Variants in ENOX1 observed in about 807,000 individuals in gnomAD.
ENOX1 encodes ecto-NOX disulfide-thiol exchanger 1, also known as candidate growth-related and time keeping constitutive hydroquinone (NADH) oxidase.
ENOX1 carries 42 observed loss-of-function variants against 82.5 expected under a neutral mutation model. The ratio of observed to expected loss-of-function variants is 0.51; its 90% confidence interval spans 0.40 to 0.66. The LOEUF is 0.66. Among genes scored for constraint, ENOX1 ranks in the 30% least tolerant of loss-of-function variants. The pLI is 0.00. For missense variants in ENOX1, 608 were observed against 811.6 expected (o/e 0.75, Z 3.05); for synonymous variants, 271 against 282.2 (o/e 0.96, Z 0.40).
chr13:43,572,156 A>C (rs1219937516), intron 2 of ENOX1, among the ~76,000 whole-genome samples: 2 of 152,158 alleles, frequency 1.3e-5, no homozygotes, highest in African/African-American at 4.8e-5. Flanking sequence ...AAAATACTGA[A>C]TCAGGCTGGA....
rs186480942 is a variant in ENOX1 at position 43,584,178 on chromosome 13, G to A, written c.-219+83301C>T. 4.6e-5 allele frequency among the ~76,000 whole-genome samples: 7 copies of A among 152,344 alleles called. No individual in the cohort carries two copies. The East Asian group carries it at 1.3e-3, about 29-fold the overall frequency. On this transcript the variant is annotated intron_variant, in intron 2 of 16. Transcript: ENST00000690772. Reference sequence around the variant, plus strand: ...GTAACAGCTATTGCAGGAGGCAAAAGCAGCTACAACCTTCAATTCCAGGCA... The same window carrying A: ...GTAACAGCTATTGCAGGAGGCAAAAACAGCTACAACCTTCAATTCCAGGCA...
chr13:43,713,499 T>A (rs2087882437), intron 1 of ENOX1, among the ~76,000 whole-genome samples: 1 of 152,136 alleles, frequency 6.6e-6, no homozygotes, highest in Non-Finnish European at 1.5e-5. Flanking sequence ...TACCAGTTCC[T>A]CCTTGTACCT....
intron 5 of ENOX1, among the ~76,000 whole-genome samples, chr13:43,408,744 T>C (rs2053946044): frequency 6.6e-6 from 1 of 151,812 alleles, no homozygotes; most frequent in South Asian, 2.1e-4. Flanking sequence ...AATAGATAAA[T>C]CAGTAGTAAA....
chr13:43,585,962 T>C (rs761757398), intron 2 of ENOX1, among the ~76,000 whole-genome samples: 109 of 152,356 alleles, frequency 7.2e-4, no homozygotes, highest in Non-Finnish European at 1.4e-3. Context: ...CATGTATACA[T>C]TGTGAAATGA....
chr13:43,635,493 T>G (rs1295210052), intron 2 of ENOX1, among the ~76,000 whole-genome samples: 1 of 152,158 alleles, frequency 6.6e-6, no homozygotes, highest in Admixed American at 6.5e-5. Flanking sequence ...AAAGAATAAA[T>G]GTATGACTTT....
chr13:43,741,231 C>A (rs1452448340), intron 1 of ENOX1, among the ~76,000 whole-genome samples: 2 of 152,038 alleles, frequency 1.3e-5, no homozygotes, highest in Admixed American at 6.6e-5. Context: ...ATCACAGGCA[C>A]ATGCCACCAC....
intron 3 of ENOX1, among the ~76,000 whole-genome samples, chr13:43,416,630 G>A (rs1031962032): frequency 2.7e-5 from 4 of 148,954 alleles, no homozygotes; most frequent in African/African-American, 5.0e-5. Context: ...AGGCAGAGAC[G>A]CTCCTCACAT....
intron 2 of ENOX1, among the ~76,000 whole-genome samples, chr13:43,593,597 G>A (rs892582374): frequency 5.3e-5 from 8 of 151,258 alleles, no homozygotes; most frequent in Admixed American, 3.3e-4. Context: ...CAACAAGGGC[G>A]CCCTCACCCC....
At chr13:43,732,397 T>C (rs979312906) in intron 1 of ENOX1, among the ~76,000 whole-genome samples, 1 of 152,198 alleles carries the variant, frequency 6.6e-6, no homozygotes, top group Admixed American at 6.5e-5. Flanking sequence ...CAAATCCTCA[T>C]TACCAAAGAC....
At chr13:43,563,489 A>G (rs966065954) in intron 2 of ENOX1, among the ~76,000 whole-genome samples, 1 of 152,104 alleles carries the variant, frequency 6.6e-6, no homozygotes, top group Non-Finnish European at 1.5e-5. Context: ...GGAAGAACAA[A>G]CCTAACACAA....
At chr13:43,659,317 C>T (rs185125252) in intron 2 of ENOX1, among the ~76,000 whole-genome samples, 209 of 152,024 alleles carry the variant, frequency 1.4e-3, no homozygotes, top group African/African-American at 4.9e-3. Context: ...GGTGAAACCC[C>T]ATCTCCACTA....
At chr13:43,772,763 A>AG (rs1951714936) in intron 1 of ENOX1, among the ~76,000 whole-genome samples, 1 of 151,528 alleles carries the variant, frequency 6.6e-6, no homozygotes, top group African/African-American at 2.4e-5. Flanking sequence ...AAAAAAAAAA[A>AG]AAAAAAAAGA....
chr13:43,607,034 G>T (rs1475405309), intron 2 of ENOX1, among the ~76,000 whole-genome samples: 1 of 151,942 alleles, frequency 6.6e-6, no homozygotes, highest in African/African-American at 2.4e-5. Context: ...TCCAGTATTT[G>T]ACAGCACAAT....
intron 2 of ENOX1, among the ~76,000 whole-genome samples, chr13:43,649,963 CCT>C (rs2084080135): frequency 6.6e-6 from 1 of 152,176 alleles, no homozygotes; most frequent in Admixed American, 6.5e-5. Context: ...TGACAACCCT[CCT>C]CTCCTACTCT....
At chr13:43,629,954 A>C (rs921053303) in intron 2 of ENOX1, among the ~76,000 whole-genome samples, 3 of 152,180 alleles carry the variant, frequency 2.0e-5, no homozygotes, top group African/African-American at 7.2e-5. Flanking sequence ...CCTCCACTTA[A>C]CAAAAGTGAA....
Position 43,383,478 on chromosome 13 carries a change from GTAT to G in ENOX1, c.209-22029_209-22027del, listed in dbSNP as rs573011840. Among the ~76,000 whole-genome samples, 221 of 152,292 alleles carry G rather than the reference GTAT, an allele frequency of 1.5e-3. 1 individual carries two copies. Among genetic ancestry groups the G allele is most frequent in the African/African-American group, 5.0e-3 (209 of 41,564 alleles). Reference sequence around the variant, plus strand: ...GAATATTAAGATAAAGCTAGTGTAAGTATTATTAATATTGCACTATTATTATTT... The same window carrying G: ...GAATATTAAGATAAAGCTAGTGTAAGTATTAATATTGCACTATTATTATTT... On this transcript the variant is annotated intron_variant, in intron 5 of 16. Coordinates refer to ENST00000690772, the MANE Select transcript of ENOX1 (RefSeq NM_001347969.2).
intron 12 of ENOX1, among the ~76,000 whole-genome samples, chr13:43,283,117 C>T (rs528055383): frequency 2.0e-5 from 3 of 151,772 alleles, no homozygotes; most frequent in African/African-American, 7.3e-5. Flanking sequence ...GCTATTAATT[C>T]GAGCTTTCAA....
chr13:43,645,918 T>A (rs1489578612), intron 2 of ENOX1, among the ~76,000 whole-genome samples: 2 of 152,228 alleles, frequency 1.3e-5, no homozygotes, highest in Non-Finnish European at 2.9e-5. Context: ...GCAAACAGCC[T>A]GGGAGGATAA....
At chr13:43,457,402 C>T (rs1451355893) in intron 3 of ENOX1, among the ~76,000 whole-genome samples, 2 of 152,012 alleles carry the variant, frequency 1.3e-5, no homozygotes, top group Non-Finnish European at 2.9e-5. Context: ...CAGATAACAG[C>T]ATTTTGTTAT....
Sources: allele counts gnomAD v4.1 joint callset (sites outside exome capture counted in the v4.1 genomes callset), GRCh38; gene constraint gnomAD v4.1.1; transcripts MANE v1.5; gene names NCBI Gene and HGNC (gene_info 2026-07-23, HGNC 2026-07-21).